Variants in SYNE1 observed in about 807,000 individuals in gnomAD.
SYNE1 encodes the protein nesprin-1.
In SYNE1, 616 loss-of-function variants were observed where a neutral mutation model predicts 1,111.0. The observed-to-expected ratio is 0.55, with a 90% CI of 0.52 to 0.59. SYNE1 has a LOEUF of 0.59. Ranked by LOEUF, SYNE1 falls within the 20% of genes least tolerant of loss-of-function variation. SYNE1 has a pLI of 0.00. For missense variants in SYNE1, 10,006 were observed against 10,417.0 expected, an observed-to-expected ratio of 0.96 and a Z score of 1.72; for synonymous variants, 3,855 against 3,825.8, an observed-to-expected ratio of 1.01 and a Z score of -0.28.
At chr6:152,242,681 G>A (rs2086033849) in intron 106 of SYNE1, among the ~76,000 whole-genome samples, 1 of 152,040 alleles carries the variant, frequency 6.6e-6, no homozygotes, top group Non-Finnish European at 1.5e-5. Context: ...GATATTCGTT[G>A]TGACTTTACT....
At chr6:152,344,867 A>T (rs747663623) in intron 73 of SYNE1, among the ~76,000 whole-genome samples, 1 of 152,200 alleles carries the variant, frequency 6.6e-6, no homozygotes, top group Non-Finnish European at 1.5e-5. Flanking sequence ...TATCCATAAG[A>T]CATATTAAGA....
chr6:152,367,444 C>T, intron 61 of SYNE1, 62 bp from the exon 62 acceptor site: 1 of 1,600,094 alleles, frequency 6.2e-7, no homozygotes, highest in South Asian at 1.1e-5. Flanking sequence ...GCAAAGCTAA[C>T]AGTTTGTTTG....
intron 3 of SYNE1, among the ~76,000 whole-genome samples, chr6:152,605,825 AT>A (rs764693772): frequency 2.0e-5 from 3 of 151,970 alleles, no homozygotes; most frequent in South Asian, 4.2e-4. Context: ...TTAAAAAGGT[AT>A]TTTTTTTCTT....
intron 51 of SYNE1, among the ~76,000 whole-genome samples, chr6:152,393,826 C>CT (rs5880974): frequency 3.3e-5 from 5 of 151,988 alleles, no homozygotes; most frequent in African/African-American, 1.2e-4. Flanking sequence ...TCTGGAATTT[C>CT]TTTTTTTATT....
At chr6:152,189,579 T>C (rs892740172) in intron 127 of SYNE1, among the ~76,000 whole-genome samples, 172 bp from the exon 128 acceptor site, 1 of 152,216 alleles carries the variant, frequency 6.6e-6, no homozygotes, top group Non-Finnish European at 1.5e-5. Flanking sequence ...TCCAGACCAC[T>C]GAAATAAAGT....
rs1263092953 is a variant in SYNE1, at chr6:152,462,910, G to A, written c.2098-20C>T. The A allele has an allele frequency of 1.2e-6, 2 of 1,613,528 alleles. No individual in the cohort carries two copies. Among genetic ancestry groups the A allele is most frequent in the South Asian group, 1.1e-5 (1 of 91,058 alleles). The stretch of plus-strand genomic sequence containing the variant: ...AGCATACTGTTAAGGAAAGGGAGGA[G>A]GGAACATCGTGAAAGCCATTTAGCT... On this transcript the variant is annotated intron_variant, in intron 19 of 145. Coordinates refer to ENST00000367255, the MANE Select transcript of SYNE1 (RefSeq NM_182961.4).
chr6:152,358,293 T>G (rs937518047), intron 66 of SYNE1, 80 bp downstream of exon 66: 1 of 1,598,148 alleles, frequency 6.3e-7, no homozygotes, highest in African/African-American at 1.3e-5. Context: ...TCAAGGTTTC[T>G]ATTAACTTCC....
intron 74 of SYNE1, 40 bp from the exon 75 acceptor site, chr6:152,339,406 C>T: frequency 1.2e-6 from 2 of 1,609,818 alleles, no homozygotes; most frequent in South Asian, 2.2e-5. Flanking sequence ...GATGCATCAG[C>T]TATTTAGATA....
intron 72 of SYNE1, among the ~76,000 whole-genome samples, chr6:152,349,134 C>T (rs2096696413): frequency 6.6e-6 from 1 of 152,238 alleles, no homozygotes; most frequent in African/African-American, 2.4e-5. Flanking sequence ...CAGACACTGA[C>T]CACATGATGA....
chr6:152,254,880 C>A lies in SYNE1; in HGVS notation c.19470G>T (p.Gln6490His). The change falls in exon 104 of 146, where the codon CAG becomes CAT. Residue 6490 changes from glutamine (Q) to histidine (H), a missense_variant and splice_region_variant. Transcript: ENST00000367255. ...KERLQQILNF[Q>H]NDLKVLFTSL... is the part of the protein sequence containing the mutation. The stretch of plus-strand genomic sequence containing the variant: ...TATCCTTTGATAATATCTTACTTAC[C>A]TGGAAATTTAGTATTTGCTGAAGTC... 1 of 1,612,850 alleles carries A rather than the reference C, an allele frequency of 6.2e-7. No individual in the cohort carries two copies. Among genetic ancestry groups the A allele is most frequent in the South Asian group, 1.1e-5 (1 of 90,924 alleles).
intron 123 of SYNE1, 54 bp from the exon 124 acceptor site, chr6:152,211,642 G>C: frequency 1.4e-6 from 2 of 1,455,806 alleles, no homozygotes; most frequent in Non-Finnish European, 1.9e-6. Context: ...TTTAGTGATC[G>C]GTTCTCTGAT....
rs574790444 is a variant in SYNE1, at chr6:152,339,200, A to G, written c.12351+41T>C. 11 of 1,609,016 alleles carry G rather than the reference A, an allele frequency of 6.8e-6. No homozygotes were observed. The East Asian group carries it at 1.6e-4, about 23-fold the overall frequency. On this transcript the variant is annotated intron_variant, in intron 75 of 145. Transcript: ENST00000367255. Reference sequence around the variant, plus strand: ...ATGAAACATTCAAGCAAGAGAATATAATAAAACAAACAAATTCAATGTGAT... The same window carrying G: ...ATGAAACATTCAAGCAAGAGAATATGATAAAACAAACAAATTCAATGTGAT...
chr6:152,233,061 G>C (rs536228765), intron 112 of SYNE1, among the ~76,000 whole-genome samples: 1 of 152,186 alleles, frequency 6.6e-6, no homozygotes, highest in African/African-American at 2.4e-5. Context: ...GGAGGTGGGT[G>C]TATTTTCAGA....
At chr6:152,392,833 T>A (rs186526873) in intron 51 of SYNE1, among the ~76,000 whole-genome samples, 2 of 152,240 alleles carry the variant, frequency 1.3e-5, no homozygotes, top group Non-Finnish European at 2.9e-5. Context: ...TACTATGAGA[T>A]AAATTGCTTA....
rs1415205332 is a variant in SYNE1 at position 152,255,661 on chromosome 6, A to G, written c.19190T>C (p.Val6397Ala). 2 of 1,614,232 alleles carry G rather than the reference A, an allele frequency of 1.2e-6. No homozygotes were observed. The highest frequency in any genetic ancestry group is 1.7e-6 in the Non-Finnish European group (2 of 1,180,048). The change falls in exon 103 of 146, where the codon GTT becomes GCT. Residue 6397 changes from valine (V) to alanine (A), a missense_variant. By Grantham distance (64) the Val-to-Ala change is moderately conservative (BLOSUM62 0). This residue lies in a region of SYNE1 where 2,182 missense variants were observed against 2,287.8 expected (regional missense o/e 0.95). Coordinates refer to ENST00000367255, the MANE Select transcript of SYNE1 (RefSeq NM_182961.4). ...TGTGGCAACAAATAAACGTTCTTCA[A>G]CGTCATCCAACCAAGTAGAGGTGGC... ...VSATSTWLDD[V>A]EERLFVATAL...
At chr6:152,306,519 TAA>T (rs2095382700) in intron 91 of SYNE1, among the ~76,000 whole-genome samples, 1 of 148,472 alleles carries the variant, frequency 6.7e-6, no homozygotes, top group Non-Finnish European at 1.5e-5. Context: ...AATAAATAAA[TAA>T]ATAAATACCT....
intron 58 of SYNE1, 194 bp downstream of exon 58, chr6:152,376,187 G>C: frequency 1.7e-6 from 1 of 588,476 alleles, no homozygotes; most frequent in South Asian, 1.9e-5. Context: ...TGATGCTACC[G>C]CTGATCTGAC....
intron 99 of SYNE1, 34 bp from the exon 100 acceptor site, chr6:152,268,199 T>A (rs1399370076): frequency 6.5e-7 from 1 of 1,532,448 alleles, no homozygotes; most frequent in South Asian, 1.1e-5. Context: ...CAAACACATT[T>A]GCTACTTTAT....
chr6:152,180,852 T>C (rs2067822041), intron 128 of SYNE1, among the ~76,000 whole-genome samples: 1 of 152,132 alleles, frequency 6.6e-6, no homozygotes, highest in African/African-American at 2.4e-5. Context: ...CTCAGCTCCA[T>C]ACTGACACGT....
Sources: gnomAD v4.1 joint callset for allele counts (sites outside exome capture counted in the v4.1 genomes callset) on GRCh38, gnomAD v4.1.1 for gene constraint, gnomAD v4.1.1 regional missense constraint, MANE v1.5 for transcripts, NCBI Gene and HGNC (gene_info 2026-07-23, HGNC 2026-07-21) for gene names.